OS9: variants seen among roughly 807,000 people sequenced by gnomAD.
The protein encoded by OS9 is protein OS-9.
Under a neutral mutation model 84.7 loss-of-function variants are expected in OS9, and 58 were observed. The ratio of observed to expected loss-of-function variants is 0.68; its 90% CI spans 0.55 to 0.85. OS9 has a LOEUF of 0.85. Among genes scored for constraint, OS9 ranks in the 40% least tolerant of loss-of-function variants. The pLI is 0.00. For synonymous variants in OS9, 278 were observed against 320.8 expected (o/e 0.87, Z 1.43); for missense variants, 760 against 850.9 (o/e 0.89, Z 1.33).
intron 5 of OS9, among the ~76,000 whole-genome samples, chr12:57,713,296 T>C (rs1316367449): frequency 6.6e-6 from 1 of 152,148 alleles, no homozygotes; most frequent in Non-Finnish European, 1.5e-5. Flanking sequence ...ACGGACTGCC[T>C]CTCCCCCTGG....
chr12:57,710,370 T>C (rs1224178814), intron 5 of OS9, among the ~76,000 whole-genome samples: 1 of 152,194 alleles, frequency 6.6e-6, no homozygotes, highest in Admixed American at 6.5e-5. Context: ...CATGGGTTAT[T>C]TTTGCATCAC....
chr12:57,696,393 A>C lies in OS9; in HGVS notation c.579+20A>C. 7.7e-7 allele frequency: 1 copy of C among 1,291,872 alleles called. No individual in the cohort carries two copies. Among genetic ancestry groups the C allele is most frequent in the Non-Finnish European group, 1.0e-6 (1 of 953,944 alleles). 80.0% of individuals were successfully genotyped at this position (1,291,872 alleles called of 1,614,324 possible). A position where few individuals can be genotyped will look rare whatever the true frequency, so the allele number is the denominator to read the frequency against. On this transcript the variant is annotated intron_variant, in intron 5 of 14. Coordinates refer to ENST00000315970, the MANE Select transcript of OS9 (RefSeq NM_006812.4). ...GTTCGGGTGAGTCTTGAGAGAGGGA[A>C]GTTGACACTCCCACAGGGACAGTTC...
At position 57,701,427 on chromosome 12, in the gene OS9, C is replaced by G. The variant is rs541729190; in HGVS notation, c.579+5054C>G. On this transcript the variant is annotated intron_variant, in intron 5 of 14. Coordinates refer to ENST00000315970, the MANE Select transcript of OS9 (RefSeq NM_006812.4). ...AGTAGCTGGGACTATAGGTGCCCAC[C>G]ACCACGCCCAGTTAATTTTTATATT... Among the ~76,000 whole-genome samples, 310 of 151,982 alleles carry G rather than the reference C, an allele frequency of 2.0e-3. 2 individuals carry two copies. Among genetic ancestry groups the G allele is most frequent in the Non-Finnish European group, 4.1e-3 (281 of 67,984 alleles).
chr12:57,715,561 C>T, intron 5 of OS9, 199 bp from the exon 6 acceptor site: 1 of 504,792 alleles, frequency 2.0e-6, no homozygotes. Context: ...ACACCTGTTT[C>T]TTGAGGCACG....
intron 14 of OS9, 63 bp from the exon 15 acceptor site, chr12:57,720,721 G>T: frequency 6.5e-7 from 1 of 1,549,508 alleles, no homozygotes. Flanking sequence ...CAGCTGCCTG[G>T]CCCAGGACTT....
At chr12:57,720,012 G>T (rs1427199246) in intron 12 of OS9, 87 bp from the exon 13 acceptor site, 2 of 1,262,532 alleles carry the variant, frequency 1.6e-6, no homozygotes, top group Non-Finnish European at 2.2e-6. Context: ...AAAGCCAACT[G>T]ATGTTTTAGG....
Position 57,716,101 on chromosome 12 carries a change from A to C in OS9, c.800A>C (p.Gln267Pro), listed in dbSNP as rs1235257817. The change falls in exon 7 of 15, where the codon CAG (glutamine) becomes CCG (proline). Residue 267 changes from glutamine to proline, a missense_variant. By Grantham distance (76) the Gln-to-Pro change is moderately conservative. Transcript: ENST00000315970. ...AYVQRQADSK[Q>P]YGDKIIEELQ... ...TGCTGTTTCTCAGTAGACTCAAAGCAGTATGGAGATAAAATCATAGAGGAG... is the reference window on the plus strand; with the variant it reads ...TGCTGTTTCTCAGTAGACTCAAAGCCGTATGGAGATAAAATCATAGAGGAG... The C allele has an allele frequency of 1.2e-6, 2 of 1,613,500 alleles. No homozygotes were observed. The highest frequency in any genetic ancestry group is 1.7e-6 in the Non-Finnish European group (2 of 1,179,508).
At chr12:57,697,094 C>T (rs1056792537) in intron 5 of OS9, among the ~76,000 whole-genome samples, 1 of 152,206 alleles carries the variant, frequency 6.6e-6, no homozygotes, top group Non-Finnish European at 1.5e-5. Context: ...GTTATCTTTC[C>T]ATAATGCAGA....
chr12:57,694,149 AG>A lies in OS9; in HGVS notation c.-9del, dbSNP rs746864012. On this transcript the variant is annotated 5_prime_UTR_variant, in exon 1 of 15. Transcript: ENST00000315970. ...GCGGAAACAGATTCTCTGCATAAGA[AG>A]GGGAACGAAAGATGGCGGCGGAAAC... 1 of 1,614,132 alleles carries A rather than the reference AG, an allele frequency of 6.2e-7. No homozygotes were observed. Among genetic ancestry groups the A allele is most frequent in the Admixed American group, 1.7e-5 (1 of 60,032 alleles).
chr12:57,709,078 T>G (rs1595050216), intron 5 of OS9, among the ~76,000 whole-genome samples: 1 of 152,222 alleles, frequency 6.6e-6, no homozygotes, highest in Admixed American at 6.5e-5. Flanking sequence ...TTTTCCTCAT[T>G]TAAGGGTTTT....
chr12:57,716,279 T>TGGGGGGGGGGG (rs141328077), intron 7 of OS9, 86 bp downstream of exon 7: 3 of 511,626 alleles, frequency 5.9e-6, no homozygotes, highest in African/African-American at 2.7e-5. Flanking sequence ...ACTGGTGGGG[T>TGGGGGGGGGGG]GGGGGGGGGT....
rs751051620 is a variant in OS9, at chr12:57,718,237, G to A, written c.1226G>A (p.Arg409Gln). Residue 409 changes from arginine to glutamine, a missense_variant, in exon 11 of 15, where the codon CGG (arginine) becomes CAG (glutamine). By Grantham distance (43) the Arg-to-Gln change is conservative. Transcript: ENST00000315970. The stretch of plus-strand genomic sequence containing the variant: ...GAGAAGGAAAGGGGTGATCCAGAAC[G>A]GCAGAGAGAGATGGAAGAAGAGGAG... ...EPEKERGDPE[R>Q]QREMEEEEDE... is the part of the protein sequence containing the mutation. The A allele has an allele frequency of 1.2e-5, 20 of 1,614,146 alleles. No homozygotes were observed. Among genetic ancestry groups the A allele is most frequent in the East Asian group, 4.5e-5 (2 of 44,882 alleles).
chr12:57,718,798 G>A (rs1466021980), intron 11 of OS9, among the ~76,000 whole-genome samples, 195 bp from the exon 12 acceptor site: 1 of 151,278 alleles, frequency 6.6e-6, no homozygotes, highest in African/African-American at 2.5e-5. Flanking sequence ...CCAGCTCTTT[G>A]GAAGGCTGAG....
At chr12:57,705,537 A>T (rs1954140797) in intron 5 of OS9, among the ~76,000 whole-genome samples, 1 of 151,712 alleles carries the variant, frequency 6.6e-6, no homozygotes. Flanking sequence ...CATTTTCTTT[A>T]TTATTATTAT....
chr12:57,720,148 C>G lies in OS9; in HGVS notation c.1650C>G (p.Leu550=). 6.2e-7 allele frequency: 1 copy of G among 1,614,154 alleles called. No homozygotes were observed. Among genetic ancestry groups the G allele is most frequent in the South Asian group, 1.1e-5 (1 of 91,068 alleles). The change falls in exon 13 of 15, where the codon CTC becomes CTG. Residue 550 remains leucine (L), a synonymous_variant. Coordinates refer to ENST00000315970, the MANE Select transcript of OS9 (RefSeq NM_006812.4). ...RVRVRVTKLR[L]GGPNQDLTVL... is the part of the protein sequence containing the mutation. Reference sequence around the variant, plus strand: ...GGGTCCGGGTCACCAAGCTCCGTCTCGGAGGCCCTAATCAGGATCTGACTG... The same window carrying G: ...GGGTCCGGGTCACCAAGCTCCGTCTGGGAGGCCCTAATCAGGATCTGACTG...
chr12:57,696,148 C>T (rs1392618292), intron 4 of OS9, 110 bp downstream of exon 4: 2 of 1,212,722 alleles, frequency 1.6e-6, no homozygotes, highest in Admixed American at 1.8e-5. Flanking sequence ...GCTTGGTGGC[C>T]ATTAGGACAA....
intron 5 of OS9, among the ~76,000 whole-genome samples, chr12:57,715,070 A>T (rs1304091301): frequency 2.0e-5 from 3 of 150,794 alleles, no homozygotes; most frequent in East Asian, 1.9e-4. Flanking sequence ...TATACACTTT[A>T]AAAAAAATAC....
intron 5 of OS9, among the ~76,000 whole-genome samples, chr12:57,702,283 T>C (rs931919180): frequency 1.3e-5 from 2 of 152,270 alleles, no homozygotes; most frequent in Admixed American, 6.5e-5. Context: ...CTACTTTCTG[T>C]CTGTATGAGT....
chr12:57,700,872 G>A (rs1954001181), intron 5 of OS9, among the ~76,000 whole-genome samples: 1 of 152,040 alleles, frequency 6.6e-6, no homozygotes, highest in Non-Finnish European at 1.5e-5. Context: ...TTCTTATAAA[G>A]TAAGATTCTA....
Sources: gnomAD v4.1 joint callset for allele counts (sites outside exome capture counted in the v4.1 genomes callset) on GRCh38, gnomAD v4.1.1 for gene constraint, MANE v1.5 for transcripts, NCBI Gene and HGNC (gene_info 2026-07-23, HGNC 2026-07-21) for gene names.